The following ADCY10 variants were observed in gnomAD, a reference collection of about 807,000 sequenced individuals.
The protein encoded by ADCY10 is adenylate cyclase type 10.
In ADCY10, 156 loss-of-function variants were observed where a neutral mutation model predicts 183.3. That is an observed-to-expected ratio of 0.85 (90% confidence interval 0.75 to 0.97). The LOEUF (loss-of-function observed/expected upper bound fraction) is 0.97, where lower values mean the gene tolerates loss of function less well. ADCY10 is among the 50% of genes least tolerant of loss of function. The pLI, the probability that ADCY10 is intolerant of heterozygous loss-of-function variation, is 0.00. For synonymous variants in ADCY10, 645 were observed against 670.0 expected (o/e 0.96, Z 0.58); for missense variants, 1,745 against 1,934.3 (o/e 0.90, Z 1.84).
chr1:167,853,415 G>A (rs578136827), intron 18 of ADCY10, among the ~76,000 whole-genome samples: 36 of 152,204 alleles, frequency 2.4e-4, no homozygotes, highest in Non-Finnish European at 3.2e-4. Flanking sequence ...AAGGAAAAAC[G>A]TGGCAGTGGG....
At chr1:167,910,111 T>C (rs1670057908) in intron 1 of ADCY10, among the ~76,000 whole-genome samples, 1 of 152,210 alleles carries the variant, frequency 6.6e-6, no homozygotes, top group South Asian at 2.1e-4. Flanking sequence ...CTGCCAATGC[T>C]CCCAGCCGAA....
chr1:167,887,539 C>T (rs1025356983), intron 8 of ADCY10, among the ~76,000 whole-genome samples: 1 of 151,944 alleles, frequency 6.6e-6, no homozygotes, highest in Admixed American at 6.6e-5. Context: ...ACACCAGGGC[C>T]TGTCGTGGGC....
At chr1:167,832,426 T>A (rs1663805740) in intron 25 of ADCY10, among the ~76,000 whole-genome samples, 1 of 151,966 alleles carries the variant, frequency 6.6e-6, no homozygotes. Context: ...ATTATAGTTA[T>A]CTTATAGGTA....
At chr1:167,823,458 T>G (rs1663058234) in intron 28 of ADCY10, among the ~76,000 whole-genome samples, 1 of 142,808 alleles carries the variant, frequency 7.0e-6, no homozygotes. Context: ...GTGGATATAA[T>G]GGACTTTGGG....
intron 5 of ADCY10, among the ~76,000 whole-genome samples, chr1:167,900,041 A>T (rs1207057549): frequency 6.6e-6 from 1 of 152,216 alleles, no homozygotes; most frequent in Non-Finnish European, 1.5e-5. Context: ...TAGACAACAA[A>T]GGGTGGGGGA....
intron 26 of ADCY10, among the ~76,000 whole-genome samples, chr1:167,825,553 CG>C: frequency 6.6e-6 from 1 of 151,914 alleles, no homozygotes; most frequent in African/African-American, 2.4e-5. Flanking sequence ...GAGGCTGAGA[CG>C]AGAGGTCACT....
intron 28 of ADCY10, 21 bp from the exon 29 acceptor site, chr1:167,823,144 T>C (rs1482662306): frequency 1.2e-6 from 2 of 1,605,294 alleles, no homozygotes; most frequent in East Asian, 2.2e-5. Flanking sequence ...GAAAAGGTAG[T>C]GGCCATTAAA....
At chr1:167,814,690 G>A (rs1272880291) in intron 31 of ADCY10, among the ~76,000 whole-genome samples, 2 of 152,034 alleles carry the variant, frequency 1.3e-5, no homozygotes, top group African/African-American at 4.8e-5. Context: ...GTATAGAGTT[G>A]TTGTTTGACA....
chr1:167,833,552 C>T (rs766776591), intron 24 of ADCY10, among the ~76,000 whole-genome samples: 11 of 152,088 alleles, frequency 7.2e-5, no homozygotes, highest in Non-Finnish European at 1.5e-4. Context: ...TTGAGACCAG[C>T]CTGGCCAACA....
Position 167,883,532 on chromosome 1 carries a change from C to T in ADCY10, c.925G>A (p.Glu309Lys). 6.2e-7 allele frequency: 1 copy of T among 1,614,254 alleles called. No homozygotes were observed. Among genetic ancestry groups the T allele is most frequent in the East Asian group, 2.2e-5 (1 of 44,894 alleles). The change falls in exon 9 of 33, where the codon GAG (glutamate) becomes AAG (lysine). Residue 309 changes from glutamate (E) to lysine (K), a missense_variant. Glu to Lys is a moderately conservative substitution (Grantham distance 56). Transcript: ENST00000367851. ...LMFEDQDKAE[E>K]IGPAIQDAYM... is the part of the protein sequence containing the mutation. ...GCATCCTGGATGGCTGGGCCTATCT[C>T]TTCTGCTTTGTCTTGGTCTTCAAAC...
chr1:167,883,584 T>C lies in ADCY10; in HGVS notation c.873A>G (p.Pro291=). 1.9e-6 allele frequency: 3 copies of C among 1,614,236 alleles called. No homozygotes were observed. The highest frequency in any genetic ancestry group is 2.5e-6 in the Non-Finnish European group (3 of 1,180,050). ...TCAGGTTCACAAACACAATCGTCAC[T>C]GGGCGAAGCTCAGATAAATAGCCCT... ...QLQGYLSELR[P]VTIVFVNLMF... is the part of the protein sequence containing the mutation. Residue 291 remains proline, a synonymous_variant, in exon 9 of 33, where the codon CCA becomes CCG. Coordinates refer to ENST00000367851, the MANE Select transcript of ADCY10 (RefSeq NM_018417.6).
intron 11 of ADCY10, among the ~76,000 whole-genome samples, chr1:167,878,993 C>T (rs11590282): frequency 0.15 from 22,418 of 152,198 alleles, 1,955 homozygotes; most frequent in Middle Eastern, 0.24. Flanking sequence ...CAAGCACATG[C>T]TTGGGCCTGG....
intron 8 of ADCY10, among the ~76,000 whole-genome samples, chr1:167,888,673 G>C (rs188644241): frequency 6.6e-5 from 10 of 152,026 alleles, no homozygotes; most frequent in African/African-American, 1.7e-4. Flanking sequence ...TCAGGAGATC[G>C]AGACCATCCT....
chr1:167,854,430 A>G lies in ADCY10; in HGVS notation c.2231T>C (p.Leu744Pro), dbSNP rs1389954406. ...PFYCEELLKN[L>P]EHHEVLVFQQ... ...GAAAACGAGTACCTCATGATGTTCC[A>G]GGTTTTTAAGCAATTCTTCACAGTA... The change falls in exon 18 of 33, where the codon CTG (leucine) becomes CCG (proline). Residue 744 changes from leucine to proline, a missense_variant. Physicochemically the swap from Leu to Pro is moderately conservative, Grantham distance 98. Transcript: ENST00000367851. The G allele has an allele frequency of 6.2e-7, 1 of 1,614,096 alleles. No individual in the cohort carries two copies. The highest frequency in any genetic ancestry group is 1.3e-5 in the African/African-American group (1 of 74,936).
chr1:167,878,908 G>T (rs531108895), intron 11 of ADCY10, among the ~76,000 whole-genome samples: 2 of 152,204 alleles, frequency 1.3e-5, no homozygotes, highest in South Asian at 2.1e-4. Flanking sequence ...TATGGAGCAG[G>T]CTCTGTAAGT....
chr1:167,852,184 T>A (rs1665546658), intron 18 of ADCY10, among the ~76,000 whole-genome samples: 1 of 152,200 alleles, frequency 6.6e-6, no homozygotes, highest in Non-Finnish European at 1.5e-5. Context: ...GGCTCACACC[T>A]GTAAACCCAG....
chr1:167,818,392 C>T, intron 30 of ADCY10, 125 bp from the exon 31 acceptor site: 1 of 847,224 alleles, frequency 1.2e-6, no homozygotes, highest in Non-Finnish European at 2.0e-6. Flanking sequence ...TAGTCTCCTG[C>T]CTACCCCTGC....
chr1:167,869,178 C>G (rs899029956), intron 14 of ADCY10, among the ~76,000 whole-genome samples: 1 of 152,146 alleles, frequency 6.6e-6, no homozygotes, highest in African/African-American at 2.4e-5. Context: ...TGGTTCCCAG[C>G]ACTAGGAGGA....
chr1:167,909,446 C>T (rs959957932), intron 1 of ADCY10, among the ~76,000 whole-genome samples: 5 of 152,184 alleles, frequency 3.3e-5, no homozygotes, highest in Admixed American at 1.3e-4. Context: ...AACTTTAGTA[C>T]AGGCTTGTCC....
Sources: gnomAD v4.1 joint callset for allele counts (sites outside exome capture counted in the v4.1 genomes callset) on GRCh38, gnomAD v4.1.1 for gene constraint, MANE v1.5 for transcripts, NCBI Gene and HGNC (gene_info 2026-07-23, HGNC 2026-07-21) for gene names.